Variants in CNTN4 observed in about 807,000 individuals in gnomAD.
CNTN4 encodes contactin-4.
Under a neutral mutation model 122.5 loss-of-function variants are expected in CNTN4, and 77 were observed. That is an observed-to-expected ratio of 0.63 (90% CI 0.52 to 0.76). The LOEUF is 0.76. CNTN4 is among the 30% of genes least tolerant of loss of function. The pLI, the probability that CNTN4 is intolerant of heterozygous loss-of-function variation, is 0.00. For synonymous variants in CNTN4, 512 were observed against 447.0 expected, an observed-to-expected ratio of 1.15 and a Z score of -1.83; for missense variants, 1,256 against 1,259.1, an observed-to-expected ratio of 1.00 and a Z score of 0.04.
intron 3 of CNTN4, among the ~76,000 whole-genome samples, chr3:2,436,793 T>C (rs891495807): frequency 6.8e-6 from 1 of 147,394 alleles, no homozygotes; most frequent in African/African-American, 2.6e-5. Flanking sequence ...TATGTATATA[T>C]TTTCTTCAAA....
At position 2,511,139 on chromosome 3, in the gene CNTN4, GAC is replaced by G. The variant is rs1164106475; in HGVS notation, c.-88-60275_-88-60274del. ...TGGGAGCTGCTGAGAATCCCTAACAGACAAACCGAATCATAGGGCAAACCCAC... is the reference window on the plus strand; with the variant it reads ...TGGGAGCTGCTGAGAATCCCTAACAGAAACCGAATCATAGGGCAAACCCAC... On this transcript the variant is annotated intron_variant, in intron 3 of 24. Coordinates refer to ENST00000418658, the MANE Select transcript of CNTN4 (RefSeq NM_175607.3). Among the ~76,000 whole-genome samples the G allele has an allele frequency of 2.0e-5, 3 of 152,148 alleles. No individual in the cohort carries two copies. The East Asian group carries it at 5.8e-4, about 29-fold the overall frequency.
intron 4 of CNTN4, among the ~76,000 whole-genome samples, chr3:2,605,169 A>G (rs1028523515): frequency 6.6e-6 from 1 of 152,088 alleles, no homozygotes. Flanking sequence ...ATGCCTGTCT[A>G]ATATTTTATT....
At chr3:2,817,680 G>A (rs1576915622) in intron 6 of CNTN4, among the ~76,000 whole-genome samples, 2 of 152,222 alleles carry the variant, frequency 1.3e-5, no homozygotes, top group South Asian at 4.2e-4. Context: ...GATGATACGT[G>A]ATCTCTACTA....
intron 3 of CNTN4, among the ~76,000 whole-genome samples, chr3:2,487,462 CACA>C (rs993613631): frequency 1.4e-4 from 22 of 152,150 alleles, no homozygotes; most frequent in African/African-American, 5.1e-4. Context: ...CCATCCACCC[CACA>C]ACAATTATTT....
chr3:2,647,675 G>T (rs1397542967), intron 4 of CNTN4, among the ~76,000 whole-genome samples: 1 of 152,058 alleles, frequency 6.6e-6, no homozygotes, highest in East Asian at 1.9e-4. Flanking sequence ...TTACCTCCAT[G>T]AGACCTCCTT....
intron 2 of CNTN4, among the ~76,000 whole-genome samples, chr3:2,101,731 G>A (rs936920487): frequency 5.9e-5 from 9 of 151,882 alleles, no homozygotes. Flanking sequence ...AAGACATGCT[G>A]TTATATGATA....
At chr3:2,809,291 C>T (rs546100075) in intron 6 of CNTN4, among the ~76,000 whole-genome samples, 1 of 152,244 alleles carries the variant, frequency 6.6e-6, no homozygotes, top group South Asian at 2.1e-4. Context: ...GAGTTGGTTC[C>T]TAAAGGCTAA....
chr3:2,260,854 A>C lies in CNTN4; in HGVS notation c.-144-78324A>C, dbSNP rs540275367. On this transcript the variant is annotated intron_variant, in intron 2 of 24. Coordinates refer to ENST00000418658, the MANE Select transcript of CNTN4 (RefSeq NM_175607.3). ...GTGATTCTCCTGCATCAGCCTCCTG[A>C]GTAGCTGGGATTACAGGTGCCCACC... is the stretch of plus-strand genomic sequence containing the variant. Among the ~76,000 whole-genome samples the C allele has an allele frequency of 2.6e-5, 4 of 151,270 alleles. No homozygotes were observed. In the East Asian group the frequency reaches 7.8e-4, roughly 30 times the overall value.
At position 2,375,209 on chromosome 3, in the gene CNTN4, A is replaced by T. The variant is rs538081208; in HGVS notation, c.-89+35976A>T. The stretch of plus-strand genomic sequence containing the variant: ...ATAAAATAGAAATTGCTACCTACAG[A>T]TATTATCTGAGGCATTATTTTGCCT... On this transcript the variant is annotated intron_variant, in intron 3 of 24. Coordinates refer to ENST00000418658, the MANE Select transcript of CNTN4 (RefSeq NM_175607.3). Among the ~76,000 whole-genome samples the T allele has an allele frequency of 1.5e-3, 234 of 152,232 alleles. 10 individuals carry two copies. The South Asian group carries it at 0.047, about 30-fold the overall frequency.
chr3:2,646,293 T>G (rs921101531), intron 4 of CNTN4, among the ~76,000 whole-genome samples: 1 of 152,190 alleles, frequency 6.6e-6, no homozygotes, highest in Non-Finnish European at 1.5e-5. Context: ...TAGGACTTCA[T>G]AGTATTTTTA....
chr3:2,999,188 G>A (rs1330681072), intron 14 of CNTN4: 2 of 152,010 alleles, frequency 1.3e-5, no homozygotes, highest in African/African-American at 4.8e-5. Context: ...TTTTTCATTA[G>A]TATCTTTCTA....
intron 3 of CNTN4, among the ~76,000 whole-genome samples, chr3:2,395,973 G>A (rs34078497): frequency 0.19 from 28,685 of 151,802 alleles, 3,381 homozygotes; most frequent in Middle Eastern, 0.29. Flanking sequence ...AGGAATGAGC[G>A]CAAACACACA....
chr3:2,821,928 T>A (rs1696302520), intron 7 of CNTN4, among the ~76,000 whole-genome samples: 1 of 152,246 alleles, frequency 6.6e-6, no homozygotes, highest in African/African-American at 2.4e-5. Context: ...TGTCCTCTGT[T>A]CAAAAGTTGT....
chr3:2,214,249 T>C (rs1161305308), intron 2 of CNTN4, among the ~76,000 whole-genome samples: 5 of 152,164 alleles, frequency 3.3e-5, no homozygotes, highest in Non-Finnish European at 4.4e-5. Context: ...CACACTTCAA[T>C]TGAAGTCTGA....
chr3:2,290,813 C>A (rs1237552240), intron 2 of CNTN4, among the ~76,000 whole-genome samples: 1 of 152,152 alleles, frequency 6.6e-6, no homozygotes, highest in East Asian at 1.9e-4. Context: ...TGACTTAAAT[C>A]TGATGAGAGG....
intron 7 of CNTN4, among the ~76,000 whole-genome samples, chr3:2,840,657 C>T (rs557350994): frequency 2.7e-5 from 4 of 147,446 alleles, no homozygotes; most frequent in African/African-American, 5.0e-5. Flanking sequence ...CAAGATCACA[C>T]CACTGCACTC....
At chr3:2,803,514 G>A (rs1229842082) in intron 6 of CNTN4, among the ~76,000 whole-genome samples, 1 of 151,720 alleles carries the variant, frequency 6.6e-6, no homozygotes, top group Non-Finnish European at 1.5e-5. Flanking sequence ...AACTATTGAT[G>A]GACAGTGGAA....
chr3:2,297,941 A>G (rs1190916771), intron 2 of CNTN4, among the ~76,000 whole-genome samples: 1 of 152,144 alleles, frequency 6.6e-6, no homozygotes, highest in African/African-American at 2.4e-5. Flanking sequence ...TATGTTGCCC[A>G]GGCTAGTGTC....
chr3:2,722,288 C>T (rs2087909960), intron 4 of CNTN4, among the ~76,000 whole-genome samples: 1 of 152,168 alleles, frequency 6.6e-6, no homozygotes, highest in South Asian at 2.1e-4. Flanking sequence ...AGTGTGTTTA[C>T]TTCTCTCTGT....
Sources: allele counts gnomAD v4.1 joint callset (sites outside exome capture counted in the v4.1 genomes callset), GRCh38; gene constraint gnomAD v4.1.1; transcripts MANE v1.5; gene names NCBI Gene and HGNC (gene_info 2026-07-23, HGNC 2026-07-21).